Variants in STK3 observed in about 807,000 individuals in gnomAD.
STK3 encodes the protein serine/threonine-protein kinase 3.
A neutral mutation model predicts 58.0 loss-of-function variants in STK3; 41 were observed. The ratio of observed to expected loss-of-function variants is 0.71; its 90% CI spans 0.55 to 0.92. The LOEUF is 0.92. STK3 is among the 40% of genes least tolerant of loss of function. The pLI is 0.00. For synonymous variants in STK3, 170 were observed against 191.0 expected (o/e 0.89, Z 0.91); for missense variants, 479 against 602.7 (o/e 0.79, Z 2.15).
intron 6 of STK3, among the ~76,000 whole-genome samples, chr8:98,679,301 C>T (rs1438305117): frequency 6.6e-6 from 1 of 152,196 alleles, no homozygotes; most frequent in African/African-American, 2.4e-5. Context: ...CACACTCCCA[C>T]TTCAGCACCA....
chr8:98,893,520 G>A (rs867954369), intron 1 of STK3, among the ~76,000 whole-genome samples: 18 of 132,330 alleles, frequency 1.4e-4, no homozygotes, highest in East Asian at 6.7e-4. Flanking sequence ...AAGAAAGAAA[G>A]AAAGAAAGAA....
the STK3 span, among the ~76,000 whole-genome samples, chr8:98,347,228 G>A: frequency 2.0e-4 from 30 of 151,908 alleles, no homozygotes; most frequent in East Asian, 7.7e-4. Context: ...AAAAACCAGC[G>A]TATTGGCCGG....
chr8:98,387,619 A>G (rs1817802884), intron 1 of STK3, among the ~76,000 whole-genome samples: 1 of 152,150 alleles, frequency 6.6e-6, no homozygotes. Context: ...ATGATGGTGC[A>G]TGCCTGTAAT....
intron 1 of STK3, among the ~76,000 whole-genome samples, chr8:98,941,213 G>A (rs374643101): frequency 2.2e-4 from 34 of 152,268 alleles, no homozygotes; most frequent in Admixed American, 1.6e-3. Context: ...GGGCGCTGAC[G>A]CGCTGTTTTA....
At chr8:98,821,196 T>G (rs2028975) in intron 1 of STK3, among the ~76,000 whole-genome samples, 115,179 of 151,948 alleles carry the variant, frequency 0.76, 44,036 homozygotes, top group African/African-American at 0.87. Flanking sequence ...TGTCAGATCA[T>G]CAGTAGCATT....
chr8:98,850,780 C>G (rs1220121085), intron 3 of STK3, among the ~76,000 whole-genome samples: 1 of 152,116 alleles, frequency 6.6e-6, no homozygotes, highest in Non-Finnish European at 1.5e-5. Context: ...CACCTGTGTG[C>G]CTGGGGGTTC....
intron 8 of STK3, among the ~76,000 whole-genome samples, chr8:98,569,914 T>C (rs994111725): frequency 7.1e-6 from 1 of 140,338 alleles, no homozygotes; most frequent in Non-Finnish European, 1.6e-5. Context: ...AAAAAAAATA[T>C]GTGTGTGTGT....
At chr8:98,435,853 G>A (rs1818466583) in intron 2 of STK3, among the ~76,000 whole-genome samples, 2 of 152,186 alleles carry the variant, frequency 1.3e-5, no homozygotes, top group African/African-American at 4.8e-5. Context: ...CCTTGGGGAT[G>A]AGTGAGGCCA....
intron 1 of STK3, among the ~76,000 whole-genome samples, chr8:98,777,901 T>G (rs965759570): frequency 6.6e-6 from 1 of 152,210 alleles, no homozygotes; most frequent in Non-Finnish European, 1.5e-5. Context: ...AAGATTTACA[T>G]GTTAGACCTA....
At chr8:98,515,652 G>A (rs1824873204) in intron 10 of STK3, among the ~76,000 whole-genome samples, 1 of 151,890 alleles carries the variant, frequency 6.6e-6, no homozygotes, top group Non-Finnish European at 1.5e-5. Flanking sequence ...AAACTCTTAA[G>A]TCAGATTTCC....
intron 1 of STK3, among the ~76,000 whole-genome samples, chr8:98,890,396 C>T (rs1444283685): frequency 6.6e-6 from 1 of 152,218 alleles, no homozygotes; most frequent in Non-Finnish European, 1.5e-5. Flanking sequence ...ACAGCCACAA[C>T]AGCCTTTAAT....
rs1429373965 is a variant in STK3, at chr8:98,855,632, A to G, written c.110+28015T>C. Reference sequence around the variant, plus strand: ...CTTCTTAGATATGATAACAAAAGCAAGAGCAACACAAGAAAAAATAGATAT... The same window carrying G: ...CTTCTTAGATATGATAACAAAAGCAGGAGCAACACAAGAAAAAATAGATAT... On this transcript the variant is annotated intron_variant, in intron 3 of 12. Transcript: ENST00000523601. 2.0e-5 allele frequency among the ~76,000 whole-genome samples: 3 copies of G among 152,230 alleles called. No individual in the cohort carries two copies. The East Asian group carries it at 5.8e-4, about 29-fold the overall frequency.
chr8:98,633,263 G>C (rs1819388453), intron 6 of STK3, among the ~76,000 whole-genome samples: 1 of 152,180 alleles, frequency 6.6e-6, no homozygotes, highest in African/African-American at 2.4e-5. Context: ...ATGGCTAAAG[G>C]AAAGGAAATA....
intron 1 of STK3, among the ~76,000 whole-genome samples, chr8:98,788,821 T>C (rs946295584): frequency 1.3e-5 from 2 of 152,080 alleles, no homozygotes; most frequent in Non-Finnish European, 2.9e-5. Flanking sequence ...GTGGGGGACA[T>C]CAACACTCCA....
intron 6 of STK3, among the ~76,000 whole-genome samples, chr8:98,644,408 A>T (rs1820248527): frequency 6.6e-6 from 1 of 152,202 alleles, no homozygotes; most frequent in Admixed American, 6.5e-5. Context: ...ATTTTATCTG[A>T]TGCTTTACGG....
At chr8:98,471,207 A>AGTGG (rs1044477066) in intron 10 of STK3, among the ~76,000 whole-genome samples, 1 of 152,136 alleles carries the variant, frequency 6.6e-6, no homozygotes, top group Non-Finnish European at 1.5e-5. Flanking sequence ...AGATATGAAT[A>AGTGG]GTGGCATCCA....
At chr8:98,416,804 G>C (rs1818119186) in intron 3 of STK3, among the ~76,000 whole-genome samples, 1 of 152,202 alleles carries the variant, frequency 6.6e-6, no homozygotes, top group African/African-American at 2.4e-5. Context: ...TGCAGGGAAG[G>C]GTGTGAATTA....
intron 3 of STK3, among the ~76,000 whole-genome samples, chr8:98,852,515 A>C (rs1836511646): frequency 6.6e-6 from 1 of 152,176 alleles, no homozygotes; most frequent in Non-Finnish European, 1.5e-5. Flanking sequence ...TCAAATAATC[A>C]ATCTATCCCT....
intron 1 of STK3, among the ~76,000 whole-genome samples, chr8:98,385,658 G>C (rs747027549): frequency 6.6e-6 from 1 of 152,144 alleles, no homozygotes; most frequent in Non-Finnish European, 1.5e-5. Context: ...CCTGCTCCAA[G>C]AGCCTGGAAT....
Sources: allele counts gnomAD v4.1 joint callset (sites outside exome capture counted in the v4.1 genomes callset), GRCh38; gene constraint gnomAD v4.1.1; transcripts MANE v1.5; gene names NCBI Gene and HGNC (gene_info 2026-07-23, HGNC 2026-07-21).